Variants in M1AP observed in about 807,000 individuals in gnomAD.
M1AP encodes meiosis 1 arrest protein.
In M1AP, 39 loss-of-function variants were observed where a neutral mutation model predicts 51.2. That is an observed-to-expected ratio of 0.76 (90% confidence interval 0.59 to 1.00). The LOEUF (loss-of-function observed/expected upper bound fraction) is 1.00, where lower values mean the gene tolerates loss of function less well. Among genes scored for constraint, M1AP ranks in the 50% least tolerant of loss-of-function variants. The pLI is 0.00. For missense variants in M1AP, 545 were observed against 641.2 expected, an observed-to-expected ratio of 0.85 and a Z score of 1.62; for synonymous variants, 251 against 249.2, an observed-to-expected ratio of 1.01 and a Z score of -0.07.
intron 7 of M1AP, among the ~76,000 whole-genome samples, chr2:74,574,578 A>G (rs1558653208): frequency 6.6e-6 from 1 of 152,148 alleles, no homozygotes; most frequent in Non-Finnish European, 1.5e-5. Flanking sequence ...CTGCGAGTTC[A>G]TTTCCAAATT....
rs143027724 is a variant in M1AP, at chr2:74,615,067, T to C, written c.323A>G (p.Gln108Arg). ...TACTGCCAGCCGCAGAGAAGCACCT[T>C]GTGATCTGAAACACCCTTCTCTCTG... ...MLQREGCFRS[Q>R]GASLRLAVED... is the part of the protein sequence containing the mutation. Residue 108 changes from glutamine (Q) to arginine (R), a missense_variant, in exon 3 of 11, where the codon CAA becomes CGA. By Grantham distance (43) the Gln-to-Arg change is conservative (BLOSUM62 1). Coordinates refer to ENST00000421985, the MANE Select transcript of M1AP (RefSeq NM_001321739.2). 86 of 1,614,196 alleles carry C rather than the reference T, an allele frequency of 5.3e-5. No homozygotes were observed. The Middle Eastern group carries it at 1.5e-3, about 28-fold the overall frequency.
chr2:74,593,539 T>A (rs188577573), intron 4 of M1AP, among the ~76,000 whole-genome samples: 14 of 152,224 alleles, frequency 9.2e-5, no homozygotes, highest in African/African-American at 3.4e-4. Context: ...CACCACTGCA[T>A]CTGGCTAAGC....
chr2:74,620,483 T>C (rs1681939648), intron 2 of M1AP, among the ~76,000 whole-genome samples: 2 of 152,204 alleles, frequency 1.3e-5, no homozygotes, highest in South Asian at 2.1e-4. Flanking sequence ...TGTGGGAATG[T>C]TGAGTGCATT....
At chr2:74,642,676 T>C (rs1013135498) in intron 1 of M1AP, among the ~76,000 whole-genome samples, 20 of 152,330 alleles carry the variant, frequency 1.3e-4, no homozygotes, top group African/African-American at 4.6e-4. Flanking sequence ...GTGCCAATGA[T>C]TGTGTATATA....
rs759389242 is a variant in M1AP, at chr2:74,575,491, C to T, written c.1021G>A (p.Asp341Asn). Residue 341 changes from aspartate (D) to asparagine (N), a missense_variant, in exon 7 of 11, where the codon GAT becomes AAT. Coordinates refer to ENST00000421985, the MANE Select transcript of M1AP (RefSeq NM_001321739.2). ...TGTTGCTGATTTGTCTCCAGCTCAT[C>T]CCAGTCCAGCTGCCAACAGCTTGTA... ...RPTSCWQLDWDELETNQQHFH... is the reference protein window; with the variant it reads ...RPTSCWQLDWNELETNQQHFH... The T allele has an allele frequency of 1.2e-6, 2 of 1,614,164 alleles. No individual in the cohort carries two copies. Among genetic ancestry groups the T allele is most frequent in the Non-Finnish European group, 1.7e-6 (2 of 1,180,014 alleles).
intron 7 of M1AP, among the ~76,000 whole-genome samples, chr2:74,571,502 G>A (rs1300263561): frequency 6.6e-6 from 1 of 152,170 alleles, no homozygotes; most frequent in Non-Finnish European, 1.5e-5. Flanking sequence ...CAAAGATGGA[G>A]TTAAAGAAGC....
intron 2 of M1AP, among the ~76,000 whole-genome samples, chr2:74,620,133 C>T (rs1185446139): frequency 6.6e-6 from 1 of 152,116 alleles, no homozygotes; most frequent in South Asian, 2.1e-4. Context: ...CAGTCCCCAC[C>T]TAATAGTGGG....
intron 2 of M1AP, among the ~76,000 whole-genome samples, chr2:74,635,196 T>C (rs901006314): frequency 1.3e-5 from 2 of 152,128 alleles, no homozygotes; most frequent in African/African-American, 2.4e-5. Flanking sequence ...CTGTTTCATA[T>C]TGGGCAATTG....
At chr2:74,645,107 G>A (rs1271006738) in intron 1 of M1AP, among the ~76,000 whole-genome samples, 2 of 151,928 alleles carry the variant, frequency 1.3e-5, no homozygotes, top group Non-Finnish European at 2.9e-5. Flanking sequence ...CTGCAGCTTC[G>A]CTCCTGAGGC....
chr2:74,623,518 A>G (rs897513873), intron 2 of M1AP, among the ~76,000 whole-genome samples: 7 of 148,148 alleles, frequency 4.7e-5, no homozygotes, highest in Admixed American at 3.3e-4. Context: ...AAAAAAAAAA[A>G]GAGAGAGAGA....
At chr2:74,608,415 G>T (rs541789499) in intron 3 of M1AP, among the ~76,000 whole-genome samples, 1 of 152,226 alleles carries the variant, frequency 6.6e-6, no homozygotes, top group African/African-American at 2.4e-5. Context: ...TAGCTTGATA[G>T]CTCATTTCTT....
chr2:74,639,679 T>A (rs1455367600), intron 2 of M1AP, among the ~76,000 whole-genome samples: 1 of 152,230 alleles, frequency 6.6e-6, no homozygotes, highest in Admixed American at 6.5e-5. Flanking sequence ...GTCAGAGACC[T>A]CAGAAGAGAT....
At chr2:74,616,458 C>T (rs934509209) in intron 2 of M1AP, among the ~76,000 whole-genome samples, 5 of 152,142 alleles carry the variant, frequency 3.3e-5, no homozygotes, top group African/African-American at 1.2e-4. Context: ...AGTACATGAA[C>T]AAGCTCTTTT....
At chr2:74,603,734 C>T (rs183697432) in intron 4 of M1AP, among the ~76,000 whole-genome samples, 34 of 152,276 alleles carry the variant, frequency 2.2e-4, no homozygotes, top group African/African-American at 7.0e-4. Flanking sequence ...TGCCTTCCCT[C>T]CCCTGCCAGA....
chr2:74,558,521 A>G lies in M1AP; in HGVS notation c.*195T>C, dbSNP rs1386876377. 5.3e-6 allele frequency: 3 copies of G among 569,540 alleles called. No homozygotes were observed. Among genetic ancestry groups the G allele is most frequent in the African/African-American group, 3.9e-5 (2 of 50,672 alleles). The allele number at this position is 569,540 out of a possible 1,614,324, so 35.3% of individuals were successfully genotyped here. On this transcript the variant is annotated 3_prime_UTR_variant, in exon 11 of 11. Transcript: ENST00000421985. ...TGAAAGTCCTTGCTGGAGAAAGGAC[A>G]GGCTCGGGTGTGTCGCTTCCAGACT...
chr2:74,579,050 T>TCC (rs1337251205), intron 5 of M1AP, among the ~76,000 whole-genome samples: 2 of 152,198 alleles, frequency 1.3e-5, no homozygotes, highest in East Asian at 1.9e-4. Context: ...AGTGAAGACC[T>TCC]CCCCAGCAGA....
chr2:74,633,316 T>G (rs927116506), intron 2 of M1AP, among the ~76,000 whole-genome samples: 3 of 152,158 alleles, frequency 2.0e-5, no homozygotes, highest in Non-Finnish European at 4.4e-5. Context: ...CTTGTAAAAT[T>G]TCATTTTAGC....
At chr2:74,622,530 CG>C (rs1356258289) in intron 2 of M1AP, among the ~76,000 whole-genome samples, 1 of 149,616 alleles carries the variant, frequency 6.7e-6, no homozygotes, top group Non-Finnish European at 1.5e-5. Context: ...CCACCGCGCC[CG>C]GCCATTGCCT....
chr2:74,620,381 G>T (rs1262763522), intron 2 of M1AP, among the ~76,000 whole-genome samples: 2 of 152,232 alleles, frequency 1.3e-5, no homozygotes, highest in African/African-American at 4.8e-5. Flanking sequence ...ACATGCAGAG[G>T]CAAGGCTGAG....
Sources: gnomAD v4.1 joint callset for allele counts (sites outside exome capture counted in the v4.1 genomes callset) on GRCh38, gnomAD v4.1.1 for gene constraint, MANE v1.5 for transcripts, NCBI Gene and HGNC (gene_info 2026-07-23, HGNC 2026-07-21) for gene names.